PRPF18: variants seen among roughly 807,000 people sequenced by gnomAD.
The protein encoded by PRPF18 is pre-mRNA-splicing factor 18.
A neutral mutation model predicts 46.5 loss-of-function variants in PRPF18; 38 were observed. The ratio of observed to expected loss-of-function variants is 0.82; its 90% CI spans 0.63 to 1.07. PRPF18 has a LOEUF of 1.07. PRPF18 is among the 50% of genes least tolerant of loss of function. PRPF18 has a pLI of 0.00. For missense variants in PRPF18, 263 were observed against 410.0 expected (o/e 0.64, Z 3.10); for synonymous variants, 152 against 146.7 (o/e 1.04, Z -0.26).
At chr10:13,639,918 C>T in the PRPF18 span, 1 of 152,266 alleles carries the variant, frequency 6.6e-6, no homozygotes, top group African/African-American at 2.4e-5. Context: ...AACGATGGCA[C>T]AGCCGTGGTT....
chr10:13,601,797 C>T (rs1426553509), intron 3 of PRPF18, among the ~76,000 whole-genome samples: 1 of 152,118 alleles, frequency 6.6e-6, no homozygotes, highest in Non-Finnish European at 1.5e-5. Flanking sequence ...TAAGGTAATG[C>T]ATGAAGAGAA....
At chr10:13,592,359 A>C (rs2079977255) in intron 1 of PRPF18, 1 of 268,786 alleles carries the variant, frequency 3.7e-6, no homozygotes, top group African/African-American at 2.3e-5. Flanking sequence ...CCTTTGTTTT[A>C]ATTTTTTAGA....
the PRPF18 span, chr10:13,640,662 C>T: frequency 6.6e-6 from 1 of 152,340 alleles, no homozygotes; most frequent in Non-Finnish European, 1.5e-5. Flanking sequence ...ACCTTCTCAG[C>T]TTCCCTTTTC....
At chr10:13,604,102 T>C (rs1223694374) in intron 3 of PRPF18, among the ~76,000 whole-genome samples, 1 of 152,190 alleles carries the variant, frequency 6.6e-6, no homozygotes, top group African/African-American at 2.4e-5. Flanking sequence ...TTCCTGCCAT[T>C]TGTCAGCCAG....
chr10:13,590,974 A>G (rs777895055), intron 1 of PRPF18, among the ~76,000 whole-genome samples: 25 of 152,252 alleles, frequency 1.6e-4, no homozygotes, highest in African/African-American at 2.4e-4. Context: ...AAAGTGCTAT[A>G]TGCTATCTGA....
the PRPF18 span, chr10:13,643,854 TTTCA>T: frequency 6.5e-6 from 1 of 152,686 alleles, no homozygotes; most frequent in Non-Finnish European, 1.5e-5. Flanking sequence ...CGTACATCTT[TTTCA>T]TTGATTACAG....
At chr10:13,613,467 A>G (rs980397017) in intron 6 of PRPF18, among the ~76,000 whole-genome samples, 10 of 152,212 alleles carry the variant, frequency 6.6e-5, no homozygotes, top group African/African-American at 2.4e-4. Flanking sequence ...ATAGTTAACT[A>G]TGAAACTTGA....
At chr10:13,596,938 C>T (rs540788948) in intron 1 of PRPF18, among the ~76,000 whole-genome samples, 1 of 152,112 alleles carries the variant, frequency 6.6e-6, no homozygotes, top group Admixed American at 6.5e-5. Flanking sequence ...CCAAGACCAC[C>T]CTATATGTAG....
chr10:13,655,082 T>C, the PRPF18 span: 1 of 153,152 alleles, frequency 6.5e-6, no homozygotes, highest in African/African-American at 2.4e-5. Context: ...TAATAGCTCA[T>C]CCAAACCTGA....
chr10:13,594,291 C>G (rs1275730782), intron 1 of PRPF18, among the ~76,000 whole-genome samples: 3 of 152,216 alleles, frequency 2.0e-5, no homozygotes, highest in African/African-American at 7.2e-5. Flanking sequence ...TAGTTGGATT[C>G]TATTTCTCTC....
rs899710173 is a variant in PRPF18, at chr10:13,630,625, T to C, written c.*285T>C. 5.1e-6 allele frequency: 1 copy of C among 195,230 alleles called. No homozygotes were observed. The highest frequency in any genetic ancestry group is 2.3e-5 in the African/African-American group (1 of 43,090). The allele number at this position is 195,230 out of a possible 1,614,324, so 12.1% of individuals were successfully genotyped here. Reference sequence around the variant, plus strand: ...ATAGACAACAGAAGGGGGTTTAAAATGACCTTTTTTTCAGTTGACCCGAAA... The same window carrying C: ...ATAGACAACAGAAGGGGGTTTAAAACGACCTTTTTTTCAGTTGACCCGAAA... On this transcript the variant is annotated 3_prime_UTR_variant, in exon 10 of 10. Transcript: ENST00000378572.
In PRPF18 at chr10:13,601,545, G is replaced by A. The variant is rs574033549; in HGVS notation, c.249+1197G>A. On this transcript the variant is annotated intron_variant, in intron 3 of 9. Transcript: ENST00000378572. The stretch of plus-strand genomic sequence containing the variant: ...TACCCAGTTCTTCACTTGTACAAGC[G>A]TCAGTGTGTATGTGTATACCTTTTT... Among the ~76,000 whole-genome samples, 248 of 152,262 alleles carry A rather than the reference G, an allele frequency of 1.6e-3. 1 individual carries two copies. The South Asian group carries it at 0.017, about 10-fold the overall frequency.
the PRPF18 span, chr10:13,655,100 G>C: frequency 6.6e-6 from 1 of 152,562 alleles, no homozygotes; most frequent in African/African-American, 2.4e-5. Flanking sequence ...TGACCACTAC[G>C]CATTTACTGA....
At chr10:13,641,813 AAGAGTGGGTTTAGT>A in the PRPF18 span, 1 of 152,302 alleles carries the variant, frequency 6.6e-6, no homozygotes, top group East Asian at 1.9e-4. Context: ...TGACCTTGGC[AAGAGTGGGTTTAGT>A]AGAGTGGGGA....
chr10:13,648,706 C>CT, the PRPF18 span: 11 of 152,298 alleles, frequency 7.2e-5, no homozygotes, highest in East Asian at 1.7e-3. Context: ...CTGGTACACG[C>CT]TTTTGTTTGC....
At chr10:13,651,992 G>T in the PRPF18 span, 1 of 1,440,442 alleles carries the variant, frequency 6.9e-7, no homozygotes, top group Middle Eastern at 1.7e-4. Context: ...AAGGAAAGCA[G>T]GAGGAGGAAG....
chr10:13,611,129 A>G (rs1200493811), intron 5 of PRPF18, among the ~76,000 whole-genome samples: 1 of 149,356 alleles, frequency 6.7e-6, no homozygotes, highest in Non-Finnish European at 1.5e-5. Context: ...CTCCTCCAAT[A>G]CCTGTCTATG....
intron 1 of PRPF18, among the ~76,000 whole-genome samples, chr10:13,590,070 C>G (rs952338361): frequency 4.0e-5 from 6 of 151,502 alleles, no homozygotes; most frequent in Non-Finnish European, 5.9e-5. Flanking sequence ...TGAATATTTG[C>G]ATAATCATGT....
At chr10:13,640,939 C>G in the PRPF18 span, 1 of 152,546 alleles carries the variant, frequency 6.6e-6, no homozygotes, top group African/African-American at 2.4e-5. Flanking sequence ...TCCTTTTTAT[C>G]TCACTTGGAG....
Sources: allele counts gnomAD v4.1 joint callset (sites outside exome capture counted in the v4.1 genomes callset), GRCh38; gene constraint gnomAD v4.1.1; transcripts MANE v1.5; gene names NCBI Gene and HGNC (gene_info 2026-07-23, HGNC 2026-07-21).